ANK2: variants seen among roughly 807,000 people sequenced by gnomAD.
The protein encoded by ANK2 is ankyrin-2.
Under a neutral mutation model 360.5 loss-of-function variants are expected in ANK2, and 83 were observed. The ratio of observed to expected loss-of-function variants is 0.23; its 90% confidence interval spans 0.19 to 0.28. ANK2 has a LOEUF of 0.28. Among genes scored for constraint, ANK2 ranks in the 10% least tolerant of loss-of-function variants. The probability of loss-of-function intolerance (pLI) is 1.00; values close to 1 mark genes in which losing one functional copy is unlikely to be tolerated. For missense variants in ANK2, 4,201 were observed against 4,795.7 expected, an observed-to-expected ratio of 0.88 and a Z score of 3.66; for synonymous variants, 1,740 against 1,759.5, an observed-to-expected ratio of 0.99 and a Z score of 0.28.
At chr4:113,134,962 A>G (rs775438170) in intron 1 of ANK2, among the ~76,000 whole-genome samples, 1 of 152,194 alleles carries the variant, frequency 6.6e-6, no homozygotes, top group Non-Finnish European at 1.5e-5. Context: ...TATGGTGTCC[A>G]TTTCTTCAGG....
chr4:113,274,757 C>T (rs1243988195), intron 15 of ANK2, 108 bp downstream of exon 15: 1 of 1,150,580 alleles, frequency 8.7e-7, no homozygotes, highest in Non-Finnish European at 1.3e-6. Context: ...CAGGCCTTGA[C>T]TTACTTCCTT....
intron 1 of ANK2, among the ~76,000 whole-genome samples, chr4:113,140,324 C>T (rs972196088): frequency 6.6e-6 from 1 of 152,126 alleles, no homozygotes; most frequent in Non-Finnish European, 1.5e-5. Flanking sequence ...GTGAAACAAT[C>T]GGTCTTGAAT....
rs999474628 is a variant in ANK2 at position 113,214,305 on chromosome 4, A to G, written c.384+15196A>G. 3 of 1,040,030 alleles carry G rather than the reference A, an allele frequency of 2.9e-6. No individual in the cohort carries two copies. In the African/African-American group the frequency reaches 4.8e-5, roughly 17 times the overall value. The allele number at this position is 1,040,030 out of a possible 1,614,324, so 64.4% of individuals were successfully genotyped here. A position where few individuals can be genotyped will look rare whatever the true frequency, so the allele number is the denominator to read the frequency against. On this transcript the variant is annotated intron_variant, in intron 4 of 45. Transcript: ENST00000357077. ...TTTCTTAATGGCCTTGTCCTTGGGC[A>G]CGCATCGGGCACAGTTAGTGCAGCG...
Position 113,199,097 on chromosome 4 carries a change from T to C in ANK2, c.372T>C (p.Asn124=). Reference sequence around the variant, plus strand: ...TTGTTAAGGAAGGAGCCAATATTAATGCACAGTCTCAGGTATTCCATTCAG... The same window carrying C: ...TTGTTAAGGAAGGAGCCAATATTAACGCACAGTCTCAGGTATTCCATTCAG... ...KVLVKEGANI[N]AQSQNGFTPL... The change falls in exon 4 of 46, where the codon AAT becomes AAC. Residue 124 remains asparagine (N), a synonymous_variant. Transcript: ENST00000357077. 2 of 1,609,832 alleles carry C rather than the reference T, an allele frequency of 1.2e-6. No homozygotes were observed. Among genetic ancestry groups the C allele is most frequent in the African/African-American group, 1.3e-5 (1 of 74,932 alleles).
Position 113,354,189 on chromosome 4 carries a change from G to A in ANK2, c.5571G>A (p.Val1857=), listed in dbSNP as rs1216417888. The A allele has an allele frequency of 1.2e-6, 2 of 1,613,886 alleles. No homozygotes were observed. Among genetic ancestry groups the A allele is most frequent in the African/African-American group, 2.7e-5 (2 of 74,972 alleles). ...GTAAAACTGAGAAACACTCACCTGT[G>A]TCACCCTCTGCAAAAACGGAAAGAC... ...PSSKTEKHSP[V]SPSAKTERHS... Residue 1857 remains valine, a synonymous_variant, in exon 38 of 46, where the codon GTG becomes GTA. Coordinates refer to ENST00000357077, the MANE Select transcript of ANK2 (RefSeq NM_001148.6).
chr4:113,002,033 T>C (rs185781233), intron 2 of ANK2, among the ~76,000 whole-genome samples: 1 of 152,096 alleles, frequency 6.6e-6, no homozygotes, highest in Admixed American at 6.5e-5. Context: ...TTTTTATTAT[T>C]ATTATTTTAC....
intron 1 of ANK2, among the ~76,000 whole-genome samples, chr4:113,050,578 T>C (rs1410334384): frequency 6.6e-6 from 1 of 152,180 alleles, no homozygotes; most frequent in East Asian, 1.9e-4. Flanking sequence ...TCTTTCTTTA[T>C]GGCCTGACTC....
chr4:112,764,418 C>A, the ANK2 span, among the ~76,000 whole-genome samples: 158 of 152,148 alleles, frequency 1.0e-3, no homozygotes, highest in Non-Finnish European at 1.9e-3. Context: ...TCATTGCAAC[C>A]TCTGCCTCCT....
chr4:113,282,608 G>C, intron 17 of ANK2, 67 bp from the exon 18 acceptor site: 2 of 1,381,134 alleles, frequency 1.4e-6, no homozygotes, highest in South Asian at 2.5e-5. Flanking sequence ...ATTTCCTTTA[G>C]AGATACGTAT....
intron 2 of ANK2, among the ~76,000 whole-genome samples, chr4:112,964,573 C>CT (rs1434179621): frequency 0.026 from 3,561 of 138,674 alleles, 127 homozygotes; most frequent in Admixed American, 0.1. Context: ...TTTCTTTTTT[C>CT]TTTTTTTTTT....
chr4:113,236,304 G>C (rs1407937820), intron 5 of ANK2, among the ~76,000 whole-genome samples: 1 of 152,024 alleles, frequency 6.6e-6, no homozygotes, highest in African/African-American at 2.4e-5. Context: ...TTCCCATGCT[G>C]TTTTTTAAGC....
At chr4:112,957,605 C>A (rs2030199050) in intron 2 of ANK2, among the ~76,000 whole-genome samples, 1 of 147,572 alleles carries the variant, frequency 6.8e-6, no homozygotes, top group South Asian at 2.2e-4. Context: ...GCAGAGGCGC[C>A]CCTCACCTCC....
At chr4:113,276,857 T>C (rs1236967690) in intron 15 of ANK2, among the ~76,000 whole-genome samples, 2 of 152,160 alleles carry the variant, frequency 1.3e-5, no homozygotes, top group African/African-American at 4.8e-5. Flanking sequence ...AGCCATGGCT[T>C]AGAGCACCTA....
the ANK2 span, among the ~76,000 whole-genome samples, chr4:112,769,213 A>G: frequency 6.6e-6 from 1 of 152,116 alleles, no homozygotes; most frequent in African/African-American, 2.4e-5. Flanking sequence ...TTTTCAAGCA[A>G]TCTTGTGGAA....
intron 1 of ANK2, among the ~76,000 whole-genome samples, chr4:113,084,232 CA>C (rs760444487): frequency 6.6e-5 from 10 of 152,250 alleles, no homozygotes; most frequent in Non-Finnish European, 1.3e-4. Flanking sequence ...GTTGTATGGT[CA>C]AAGCACATGC....
At chr4:112,769,794 G>A in the ANK2 span, among the ~76,000 whole-genome samples, 8 of 152,270 alleles carry the variant, frequency 5.3e-5, no homozygotes, top group East Asian at 1.2e-3. Context: ...TTGGAAAAAG[G>A]CAGAGGAAGG....
At chr4:112,726,481 C>A in the ANK2 span, among the ~76,000 whole-genome samples, 3 of 152,072 alleles carry the variant, frequency 2.0e-5, no homozygotes, top group South Asian at 2.1e-4. Flanking sequence ...CAGTATTATT[C>A]TTCTTCCCAC....
intron 1 of ANK2, among the ~76,000 whole-genome samples, chr4:112,881,018 T>A (rs2076561567): frequency 6.6e-6 from 1 of 152,244 alleles, no homozygotes; most frequent in Non-Finnish European, 1.5e-5. Context: ...AAATAACTGC[T>A]TAATATTGTA....
intron 45 of ANK2, among the ~76,000 whole-genome samples, chr4:113,379,127 T>C (rs192047479): frequency 6.6e-6 from 1 of 152,202 alleles, no homozygotes; most frequent in East Asian, 1.9e-4. Flanking sequence ...TTTAAAAGAG[T>C]GTAATTGCTC....
Sources: allele counts gnomAD v4.1 joint callset (sites outside exome capture counted in the v4.1 genomes callset), GRCh38; gene constraint gnomAD v4.1.1; transcripts MANE v1.5; gene names NCBI Gene and HGNC (gene_info 2026-07-23, HGNC 2026-07-21).